The following PTPRN2 variants were observed in gnomAD, a reference collection of about 807,000 sequenced individuals.
PTPRN2 encodes protein tyrosine phosphatase receptor type N2.
PTPRN2 carries 74 observed loss-of-function variants against 118.8 expected under a neutral mutation model. The ratio of observed to expected loss-of-function variants is 0.62; its 90% CI spans 0.52 to 0.76. PTPRN2 has a LOEUF of 0.76. Among genes scored for constraint, PTPRN2 ranks in the 30% least tolerant of loss-of-function variants. The pLI is 0.00. For synonymous variants in PTPRN2, 641 were observed against 608.0 expected (o/e 1.05, Z -0.80); for missense variants, 1,481 against 1,394.4 (o/e 1.06, Z -0.99).
At chr7:158,512,064 C>T (rs1297424483) in intron 1 of PTPRN2, among the ~76,000 whole-genome samples, 1 of 152,162 alleles carries the variant, frequency 6.6e-6, no homozygotes, top group African/African-American at 2.4e-5. Flanking sequence ...ATCAAGGATG[C>T]TTCAGATCCC....
intron 3 of PTPRN2, among the ~76,000 whole-genome samples, chr7:158,270,814 ACCG>A (rs1798327771): frequency 1.7e-4 from 1 of 5,774 alleles, no homozygotes; most frequent in Non-Finnish European, 3.3e-4. Flanking sequence ...CCTCACCTGG[ACCG>A]CCCCCTCCAC....
chr7:157,776,449 TCTC>T (rs1212712746), intron 12 of PTPRN2, among the ~76,000 whole-genome samples: 19 of 66,638 alleles, frequency 2.9e-4, no homozygotes, highest in African/African-American at 3.9e-4. Flanking sequence ...TCTTCCTCAC[TCTC>T]CTCCTCCTCC....
chr7:157,815,027 C>T (rs562763867), intron 12 of PTPRN2, among the ~76,000 whole-genome samples: 16 of 152,346 alleles, frequency 1.1e-4, no homozygotes, highest in African/African-American at 3.8e-4. Context: ...CGGGGCCCTG[C>T]GTTTCTCTCC....
chr7:158,178,589 CTTTTTTTTTT>C (rs56710690), intron 5 of PTPRN2, among the ~76,000 whole-genome samples: 21 of 67,378 alleles, frequency 3.1e-4, no homozygotes, highest in African/African-American at 7.3e-4. Context: ...CATTTTCTTT[CTTTTTTTTTT>C]TTTTTTTTTT....
intron 12 of PTPRN2, chr7:157,864,975 C>T (rs1281755276): frequency 6.6e-6 from 1 of 152,304 alleles, no homozygotes; most frequent in African/African-American, 2.4e-5. Context: ...GTGGTAGGAC[C>T]TGTGTCTCTG....
intron 13 of PTPRN2, among the ~76,000 whole-genome samples, chr7:157,657,924 G>A (rs1285366887): frequency 1.7e-4 from 13 of 74,434 alleles, no homozygotes; most frequent in Non-Finnish European, 2.7e-4. Context: ...CACACACATC[G>A]CAGACACACC....
chr7:157,771,772 G>T (rs181789859), intron 12 of PTPRN2, among the ~76,000 whole-genome samples: 1 of 127,272 alleles, frequency 7.9e-6, no homozygotes, highest in Non-Finnish European at 1.5e-5. Flanking sequence ...CACACATGCA[G>T]ACACAGACAC....
intron 2 of PTPRN2, among the ~76,000 whole-genome samples, chr7:158,430,804 A>G (rs1391472205): frequency 1.3e-5 from 2 of 152,160 alleles, no homozygotes; most frequent in Non-Finnish European, 2.9e-5. Flanking sequence ...TGAGAGAAAC[A>G]CCGGGTGACT....
intron 11 of PTPRN2, among the ~76,000 whole-genome samples, chr7:158,064,552 T>C (rs1423970352): frequency 6.6e-6 from 1 of 152,130 alleles, no homozygotes; most frequent in Non-Finnish European, 1.5e-5. Context: ...AGCTGTTTCC[T>C]GGAATCTGGC....
At chr7:158,082,925 G>A (rs568157857) in intron 10 of PTPRN2, among the ~76,000 whole-genome samples, 3 of 152,294 alleles carry the variant, frequency 2.0e-5, no homozygotes, top group South Asian at 2.1e-4. Context: ...ACGGTGCCTC[G>A]GCTGGGCCCT....
At chr7:157,586,869 C>T (rs1037489078) in intron 17 of PTPRN2, among the ~76,000 whole-genome samples, 3 of 152,314 alleles carry the variant, frequency 2.0e-5, no homozygotes, top group Non-Finnish European at 4.4e-5. Flanking sequence ...TCGGGCTGAG[C>T]GGATGCCATC....
At chr7:158,566,657 G>T (rs1827688917) in intron 1 of PTPRN2, among the ~76,000 whole-genome samples, 1 of 152,186 alleles carries the variant, frequency 6.6e-6, no homozygotes, top group African/African-American at 2.4e-5. Context: ...TTTTGCTGTT[G>T]GCCACCCTTC....
At chr7:158,439,813 G>A (rs1342950729) in intron 2 of PTPRN2, among the ~76,000 whole-genome samples, 2 of 152,220 alleles carry the variant, frequency 1.3e-5, no homozygotes, top group African/African-American at 4.8e-5. Flanking sequence ...TTTACGGGGT[G>A]CACCTCGTAG....
At chr7:158,408,649 T>C (rs938964868) in intron 2 of PTPRN2, among the ~76,000 whole-genome samples, 1 of 152,186 alleles carries the variant, frequency 6.6e-6, no homozygotes, top group Non-Finnish European at 1.5e-5. Flanking sequence ...AAAAGGTAAA[T>C]TGCATAATAT....
rs967900788 is a variant in PTPRN2 at position 157,674,015 on chromosome 7, A to G, written c.2001+8710T>C. ...TTTCTGAGAAAACGCCTTCTGGGTC[A>G]GCTCCAAGTTCAGCTATCCCGAGGT... On this transcript the variant is annotated intron_variant, in intron 13 of 22. Coordinates refer to ENST00000389418, the MANE Select transcript of PTPRN2 (RefSeq NM_002847.5). This position sits in a 1 kb window ranked among gnomAD's most constrained non-coding sequence, Gnocchi z 4.5. Among the ~76,000 whole-genome samples, 11 of 152,230 alleles carry G rather than the reference A, an allele frequency of 7.2e-5. No individual in the cohort carries two copies. Among genetic ancestry groups the G allele is most frequent in the African/African-American group, 9.6e-5 (4 of 41,454 alleles).
chr7:157,860,807 G>A (rs1183841438), intron 12 of PTPRN2, among the ~76,000 whole-genome samples: 4 of 152,228 alleles, frequency 2.6e-5, no homozygotes, highest in East Asian at 1.9e-4. Flanking sequence ...TTCACGGTCC[G>A]TCCAACCAGG....
intron 1 of PTPRN2, among the ~76,000 whole-genome samples, chr7:158,508,150 C>T (rs1822903262): frequency 1.3e-5 from 2 of 150,462 alleles, no homozygotes; most frequent in Middle Eastern, 3.6e-3. Context: ...GACAGCCCCA[C>T]GGTGGGCAGA....
At chr7:158,538,514 C>A (rs1052468883) in intron 1 of PTPRN2, among the ~76,000 whole-genome samples, 9 of 152,194 alleles carry the variant, frequency 5.9e-5, no homozygotes, top group African/African-American at 2.2e-4. Context: ...ATTTCTGTGG[C>A]TTCTATAATG....
chr7:158,110,830 C>A lies in PTPRN2; in HGVS notation c.1642G>T (p.Glu548Ter). Residue 548 changes from glutamate to a stop codon, truncating the protein, a stop_gained and splice_region_variant, in exon 10 of 23, where the codon GAG (glutamate) becomes TAG (stop). Coordinates refer to ENST00000389418, the MANE Select transcript of PTPRN2 (RefSeq NM_002847.5). LOFTEE classifies it high-confidence loss of function. ...QVPSSAFADV[E>*]VLGPAVTFKV... ...GAAACCCCAGGGCCCCGTACTTACT[C>A]CACGTCAGCGAACGCACTGCTGGGC... is the stretch of plus-strand genomic sequence containing the variant. 6.3e-7 allele frequency: 1 copy of A among 1,583,158 alleles called. No individual in the cohort carries two copies. The highest frequency in any genetic ancestry group is 2.3e-5 in the East Asian group (1 of 43,558).
Sources: gnomAD v4.1 joint callset for allele counts (sites outside exome capture counted in the v4.1 genomes callset) on GRCh38, gnomAD v4.1.1 for gene constraint, Gnocchi (gnomAD v3.1) non-coding constraint, MANE v1.5 for transcripts, NCBI Gene and HGNC (gene_info 2026-07-23, HGNC 2026-07-21) for gene names.